Variants in FHL3 observed in about 807,000 individuals in gnomAD.
FHL3 encodes the protein four and a half LIM domains 3.
FHL3 carries 21 observed loss-of-function variants against 34.3 expected under a neutral mutation model. That is an observed-to-expected ratio of 0.61 (90% CI 0.43 to 0.88). The LOEUF is 0.88. Among genes scored for constraint, FHL3 ranks in the 40% least tolerant of loss-of-function variants. The probability of loss-of-function intolerance (pLI) is 0.00; values close to 1 mark genes in which losing one functional copy is unlikely to be tolerated. For synonymous variants in FHL3, 137 were observed against 144.6 expected (o/e 0.95, Z 0.38); for missense variants, 333 against 373.7 (o/e 0.89, Z 0.90).
intron 1 of FHL3, among the ~76,000 whole-genome samples, chr1:38,003,739 A>G: frequency 6.6e-6 from 1 of 152,186 alleles, no homozygotes; most frequent in South Asian, 2.1e-4. Flanking sequence ...ATCAGGACCC[A>G]GGTCCCCTGC....
Position 37,997,820 on chromosome 1 carries a change from T to G in FHL3, c.552A>C (p.Glu184Asp), listed in dbSNP as rs752779539. 3.1e-6 allele frequency: 5 copies of G among 1,613,970 alleles called. No individual in the cohort carries two copies. Among genetic ancestry groups the G allele is most frequent in the Non-Finnish European group, 4.2e-6 (5 of 1,179,970 alleles). The change falls in exon 5 of 6, where the codon GAA becomes GAC. Residue 184 changes from glutamate (E) to aspartate (D), a missense_variant. Glu to Asp is a conservative substitution (Grantham distance 45). Transcript: ENST00000373016. The surrounding 1 kb of genome is among the most constrained non-coding windows in gnomAD (Gnocchi z 4.3). The part of the protein sequence containing the change: ...VTYRDQPWHR[E>D]CLVCTGCQTP... ...TCTGGCATCCGGTACAGACCAGACA[T>G]TCTCGATGCCACGGCTGATCACGGT...
Position 37,997,554 on chromosome 1 carries a change from C to G in FHL3, c.694G>C (p.Gly232Arg). Reference protein sequence around the residue: ...SSCKRPIVGLGGGKYVSFEDR... With the variant: ...SSCKRPIVGLRGGKYVSFEDR... Reference sequence around the variant, plus strand: ...TCAAAGGACACATACTTGCCTCCACCGAGTCCTGGAGGGAGGCTGGAAGTT... The same window carrying G: ...TCAAAGGACACATACTTGCCTCCACGGAGTCCTGGAGGGAGGCTGGAAGTT... Residue 232 changes from glycine to arginine, a missense_variant, in exon 6 of 6, where the codon GGT becomes CGT. By Grantham distance (125) the Gly-to-Arg change is moderately radical. Coordinates refer to ENST00000373016, the MANE Select transcript of FHL3 (RefSeq NM_004468.5). This position sits in a 1 kb window ranked among gnomAD's most constrained non-coding sequence, Gnocchi z 4.3. 7 of 1,613,698 alleles carry G rather than the reference C, an allele frequency of 4.3e-6. No individual in the cohort carries two copies. Among genetic ancestry groups the G allele is most frequent in the Non-Finnish European group, 4.2e-6 (5 of 1,179,830 alleles).
At chr1:38,003,564 G>T (rs1037691768) in intron 1 of FHL3, among the ~76,000 whole-genome samples, 4 of 152,316 alleles carry the variant, frequency 2.6e-5, no homozygotes, top group South Asian at 2.1e-4. Flanking sequence ...TCTCATGCAG[G>T]TCCACGGATG....
At chr1:38,004,846 G>A (rs1477677463) in intron 1 of FHL3, among the ~76,000 whole-genome samples, 1 of 152,288 alleles carries the variant, frequency 6.6e-6, no homozygotes, top group African/African-American at 2.4e-5. Flanking sequence ...GGGCCCTAGG[G>A]AATGTGTTCG....
At chr1:38,004,941 C>T (rs1646628730) in intron 1 of FHL3, among the ~76,000 whole-genome samples, 2 of 152,128 alleles carry the variant, frequency 1.3e-5, no homozygotes, top group African/African-American at 2.4e-5. Flanking sequence ...ACCAGTAACT[C>T]TGTACGCCCG....
At chr1:38,004,767 C>A (rs1646627182) in intron 1 of FHL3, among the ~76,000 whole-genome samples, 1 of 152,188 alleles carries the variant, frequency 6.6e-6, no homozygotes, top group Non-Finnish European at 1.5e-5. Flanking sequence ...TCTCTGCAGG[C>A]CTCAGAGAGC....
chr1:37,999,195 C>A (rs776906964), intron 2 of FHL3, 47 bp from the exon 3 acceptor site: 6 of 1,613,814 alleles, frequency 3.7e-6, no homozygotes, highest in Non-Finnish European at 4.2e-6. Context: ...CTCATGGACC[C>A]ATCCTTTGCC....
At position 37,999,439 on chromosome 1, in the gene FHL3, G is replaced by T. The variant is rs371427746; in HGVS notation, c.-20-7C>A. On this transcript the variant is annotated splice_region_variant and splice_polypyrimidine_tract_variant and intron_variant, in intron 1 of 5. Coordinates refer to ENST00000373016, the MANE Select transcript of FHL3 (RefSeq NM_004468.5). The stretch of plus-strand genomic sequence containing the variant: ...GTGGCAAGGGGAGAGAACCCTGTTA[G>T]GAGCACAAGGTGGAACTGGGGTCAC... 13 of 1,612,626 alleles carry T rather than the reference G, an allele frequency of 8.1e-6. No individual in the cohort carries two copies. The highest frequency in any genetic ancestry group is 1.0e-5 in the Non-Finnish European group (12 of 1,179,504).
In FHL3 at chr1:37,999,357, T is replaced by C. The variant is rs1344601197; in HGVS notation, c.56A>G (p.Tyr19Cys). Residue 19 changes from tyrosine to cysteine, a missense_variant, in exon 2 of 6, where the codon TAC (tyrosine) becomes TGC (cysteine). By Grantham distance (194) the Tyr-to-Cys change is radical (BLOSUM62 -2). Transcript: ENST00000373016. ...KCNESLYGRK[Y>C]IQTDSGPYCV... ...GTAGGGGCCGCTGTCTGTCTGGATGTACTTGCGTCCATACAGGGACTCGTT... is the reference window on the plus strand; with the variant it reads ...GTAGGGGCCGCTGTCTGTCTGGATGCACTTGCGTCCATACAGGGACTCGTT... 6.2e-7 allele frequency: 1 copy of C among 1,614,138 alleles called. No homozygotes were observed. The highest frequency in any genetic ancestry group is 1.3e-5 in the African/African-American group (1 of 74,950).
At chr1:37,998,758 T>G in intron 3 of FHL3, 1 of 576,606 alleles carries the variant, frequency 1.7e-6, no homozygotes, top group South Asian at 2.1e-5. Flanking sequence ...TCACACATGC[T>G]AAGCCCCCAA....
At chr1:38,001,478 T>G (rs1646593755) in intron 1 of FHL3, among the ~76,000 whole-genome samples, 1 of 152,234 alleles carries the variant, frequency 6.6e-6, no homozygotes, top group African/African-American at 2.4e-5. Flanking sequence ...AAATAGGGTA[T>G]GGGCATGGCT....
At chr1:38,002,177 C>A (rs1646602397) in intron 1 of FHL3, among the ~76,000 whole-genome samples, 1 of 151,654 alleles carries the variant, frequency 6.6e-6, no homozygotes, top group South Asian at 2.1e-4. Context: ...CGGCTCACTG[C>A]AACCTCCACC....
At chr1:37,999,528 C>T in intron 1 of FHL3, 96 bp from the exon 2 acceptor site, 1 of 1,202,282 alleles carries the variant, frequency 8.3e-7, no homozygotes, top group South Asian at 1.5e-5. Context: ...AGCCAAGAGA[C>T]CCGGCATAGG....
chr1:38,001,590 T>C (rs529719890), intron 1 of FHL3, among the ~76,000 whole-genome samples: 1 of 152,184 alleles, frequency 6.6e-6, no homozygotes, highest in African/African-American at 2.4e-5. Flanking sequence ...TCTCTGCCCA[T>C]ACCCCTCTCC....
chr1:38,002,161 C>T (rs1288315306), intron 1 of FHL3, among the ~76,000 whole-genome samples: 2 of 151,016 alleles, frequency 1.3e-5, no homozygotes. Context: ...TACAGTGGCG[C>T]AATCTCGGCT....
At chr1:37,998,324 C>G (rs1041196100) in intron 3 of FHL3, among the ~76,000 whole-genome samples, 192 bp from the exon 4 acceptor site, 4 of 152,078 alleles carry the variant, frequency 2.6e-5, no homozygotes, top group Non-Finnish European at 4.4e-5. Flanking sequence ...ACATGATGAC[C>G]CAGCTAGACA....
Position 37,997,225 on chromosome 1 carries a change from G to T in FHL3, c.*180C>A. ...TCATGGAGGCTCTGTAAGAGCCCAG[G>T]TTTGGGGCCCTGGGTCAGGGAGTAC... On this transcript the variant is annotated 3_prime_UTR_variant, in exon 6 of 6. Transcript: ENST00000373016. The surrounding 1 kb of genome is among the most constrained non-coding windows in gnomAD (Gnocchi z 4.3). The T allele has an allele frequency of 1.5e-6, 1 of 653,284 alleles. No homozygotes were observed. Among genetic ancestry groups the T allele is most frequent in the Non-Finnish European group, 2.6e-6 (1 of 377,448 alleles). The allele number at this position is 653,284 out of a possible 1,614,324, so 40.5% of individuals were successfully genotyped here. A position where few individuals can be genotyped will look rare whatever the true frequency, so the allele number is the denominator to read the frequency against.
intron 1 of FHL3, among the ~76,000 whole-genome samples, chr1:38,000,459 G>C (rs1367030628): frequency 6.6e-6 from 1 of 152,084 alleles, no homozygotes; most frequent in Admixed American, 6.5e-5. Context: ...TGGGACTAGG[G>C]AGCTGAAAGG....
chr1:37,999,232 C>T, intron 2 of FHL3, 25 bp downstream of exon 2: 1 of 1,614,094 alleles, frequency 6.2e-7, no homozygotes, highest in Non-Finnish European at 8.5e-7. Flanking sequence ...CACCCACCTC[C>T]TGCCTGGCCT....
Sources: allele counts gnomAD v4.1 joint callset (sites outside exome capture counted in the v4.1 genomes callset), GRCh38; gene constraint gnomAD v4.1.1; non-coding constraint Gnocchi (gnomAD v3.1); transcripts MANE v1.5; gene names NCBI Gene and HGNC (gene_info 2026-07-23, HGNC 2026-07-21).